Variants in IFT74 observed in about 807,000 individuals in gnomAD.
IFT74 encodes intraflagellar transport protein 74 homolog.
In IFT74, 92 loss-of-function variants were observed where a neutral mutation model predicts 96.7. That is an observed-to-expected ratio of 0.95 (90% CI 0.80 to 1.13). The LOEUF (loss-of-function observed/expected upper bound fraction) is 1.13. IFT74 is among the 50% of genes most tolerant of loss of function. The pLI, the probability that IFT74 is intolerant of heterozygous loss-of-function variation, is 0.00. For missense variants in IFT74, 811 were observed against 698.2 expected (o/e 1.16, Z -1.82); for synonymous variants, 223 against 213.2 (o/e 1.05, Z -0.40).
In IFT74 at chr9:27,060,224, A is replaced by G. The variant is rs377178657; in HGVS notation, c.1624-367A>G. Among the ~76,000 whole-genome samples, 109 of 152,332 alleles carry G rather than the reference A, an allele frequency of 7.2e-4. No individual in the cohort carries two copies. In the South Asian group the frequency reaches 7.5e-3, roughly 10 times the overall value. ...CTTTGACAGTGTTTGAATATGTATT[A>G]TATTTGTGGCATTAGACTTCCAGAT... On this transcript the variant is annotated intron_variant, in intron 18 of 19. Coordinates refer to ENST00000380062, the MANE Select transcript of IFT74 (RefSeq NM_025103.4).
intron 4 of IFT74, among the ~76,000 whole-genome samples, chr9:26,982,697 T>C (rs1181544982): frequency 2.0e-5 from 3 of 152,040 alleles, no homozygotes; most frequent in Non-Finnish European, 4.4e-5. Context: ...TCAGGTGATC[T>C]GCCCACCTTG....
chr9:27,033,222 A>G (rs1830202994), intron 13 of IFT74, among the ~76,000 whole-genome samples: 1 of 152,134 alleles, frequency 6.6e-6, no homozygotes, highest in South Asian at 2.1e-4. Context: ...GAGAAATGGT[A>G]TAGCATAGTG....
At chr9:27,026,503 C>A (rs1468807511) in intron 12 of IFT74, among the ~76,000 whole-genome samples, 1 of 152,084 alleles carries the variant, frequency 6.6e-6, no homozygotes, top group Non-Finnish European at 1.5e-5. Flanking sequence ...AACATTCTAC[C>A]CAACAACTGC....
At position 26,961,068 on chromosome 9, in the gene IFT74, G is replaced by T. The variant is rs1484146412; in HGVS notation, c.-19-881G>T. Reference sequence around the variant, plus strand: ...ATATTGTTGCATTCCCAGATCCTCAGAAGAAGTGAATCTTGTTTTTTTTTT... The same window carrying T: ...ATATTGTTGCATTCCCAGATCCTCATAAGAAGTGAATCTTGTTTTTTTTTT... On this transcript the variant is annotated intron_variant, in intron 1 of 19. Coordinates refer to ENST00000380062, the MANE Select transcript of IFT74 (RefSeq NM_025103.4). 2.7e-5 allele frequency among the ~76,000 whole-genome samples: 4 copies of T among 148,956 alleles called. No individual in the cohort carries two copies. The Admixed American group carries it at 2.7e-4, about 10-fold the overall frequency.
At position 26,963,204 on chromosome 9, in the gene IFT74, C is replaced by T. The variant is rs538473056; in HGVS notation, c.120+1117C>T. ...ATTCCCACCTATGAGTGAGAATATG[C>T]GGTGTTTGGTTTTTTGTTCTTGCGG... is the stretch of plus-strand genomic sequence containing the variant. On this transcript the variant is annotated intron_variant, in intron 2 of 19. Coordinates refer to ENST00000380062, the MANE Select transcript of IFT74 (RefSeq NM_025103.4). Among the ~76,000 whole-genome samples the T allele has an allele frequency of 2.2e-3, 341 of 151,586 alleles. 2 individuals are homozygous for T. The highest frequency in any genetic ancestry group is 7.9e-3 in the African/African-American group (327 of 41,322).
intron 12 of IFT74, among the ~76,000 whole-genome samples, chr9:27,023,321 A>G (rs1829704574): frequency 6.6e-6 from 1 of 152,158 alleles, no homozygotes; most frequent in Non-Finnish European, 1.5e-5. Flanking sequence ...TTATTACCTT[A>G]AGATATGTCT....
At chr9:27,010,683 GT>G (rs1750157956) in intron 9 of IFT74, among the ~76,000 whole-genome samples, 10 of 150,036 alleles carry the variant, frequency 6.7e-5, no homozygotes, top group African/African-American at 2.2e-4. Flanking sequence ...AGTAGAGACA[GT>G]GTTTCACCGT....
intron 16 of IFT74, among the ~76,000 whole-genome samples, chr9:27,049,782 A>G (rs1819845627): frequency 6.6e-6 from 1 of 152,306 alleles, no homozygotes; most frequent in Middle Eastern, 3.4e-3. Context: ...TTAAGAAGAG[A>G]TGATGTTTCA....
chr9:27,031,141 C>A (rs2131647094), intron 13 of IFT74, among the ~76,000 whole-genome samples: 1 of 152,080 alleles, frequency 6.6e-6, no homozygotes, highest in African/African-American at 2.4e-5. Flanking sequence ...GACTACAGGT[C>A]CATGTTACTG....
At chr9:26,990,452 G>A (rs1054141497) in intron 8 of IFT74, among the ~76,000 whole-genome samples, 1 of 152,166 alleles carries the variant, frequency 6.6e-6, no homozygotes, top group Non-Finnish European at 1.5e-5. Flanking sequence ...GAACACTTAT[G>A]ATGGATAAGA....
chr9:27,049,807 A>G (rs1248126679), intron 16 of IFT74, among the ~76,000 whole-genome samples: 1 of 152,190 alleles, frequency 6.6e-6, no homozygotes, highest in Non-Finnish European at 1.5e-5. Context: ...AATTAGTTTC[A>G]GTCATGCTTG....
chr9:27,055,738 C>T lies in IFT74; in HGVS notation c.1463C>T (p.Pro488Leu), dbSNP rs377552808. 1.3e-4 allele frequency: 197 copies of T among 1,560,856 alleles called. 2 individuals are homozygous for T. In the South Asian group the frequency reaches 2.4e-3, roughly 19 times the overall value. Residue 488 changes from proline to leucine, a missense_variant, in exon 17 of 20, where the codon CCA becomes CTA. Coordinates refer to ENST00000380062, the MANE Select transcript of IFT74 (RefSeq NM_025103.4). ...TTDLEIYNDLPALKSSGEEKI... is the reference protein window; with the variant it reads ...TTDLEIYNDLLALKSSGEEKI... Reference sequence around the variant, plus strand: ...GATCTGGAGATATATAATGATTTGCCAGCTTTAAAATCATCAGGTGAAGAA... The same window carrying T: ...GATCTGGAGATATATAATGATTTGCTAGCTTTAAAATCATCAGGTGAAGAA...
chr9:26,980,672 C>A, intron 4 of IFT74, 53 bp downstream of exon 4: 1 of 1,172,794 alleles, frequency 8.5e-7, no homozygotes, highest in Non-Finnish European at 1.3e-6. Context: ...TATTGTGTAC[C>A]TTCTGTCAAA....
intron 2 of IFT74, among the ~76,000 whole-genome samples, chr9:26,976,280 A>T (rs1346561850): frequency 6.6e-6 from 1 of 152,180 alleles, no homozygotes; most frequent in Non-Finnish European, 1.5e-5. Context: ...AATTGTTAGA[A>T]AGAAAGCTTG....
intron 8 of IFT74, among the ~76,000 whole-genome samples, chr9:26,991,905 T>C (rs553627104): frequency 7.9e-5 from 12 of 152,218 alleles, no homozygotes; most frequent in African/African-American, 2.9e-4. Flanking sequence ...GGCACGGGCT[T>C]GTAGTCCCAG....
chr9:27,027,335 A>G (rs951270910), intron 12 of IFT74, among the ~76,000 whole-genome samples: 1 of 152,144 alleles, frequency 6.6e-6, no homozygotes, highest in Non-Finnish European at 1.5e-5. Context: ...AAAATTGCCA[A>G]CAAAAAGTCC....
At chr9:27,016,284 TG>T (rs1430543872) in intron 10 of IFT74, among the ~76,000 whole-genome samples, 1 of 152,184 alleles carries the variant, frequency 6.6e-6, no homozygotes, top group East Asian at 1.9e-4. Context: ...AGTCATAACA[TG>T]GTATTCTCCC....
chr9:27,022,953 T>C (rs1449238672), intron 12 of IFT74, among the ~76,000 whole-genome samples: 3 of 152,126 alleles, frequency 2.0e-5, no homozygotes, highest in African/African-American at 7.2e-5. Flanking sequence ...CTTGATTTCT[T>C]TTCAGCTTGG....
chr9:26,952,506 A>C (rs972301795), upstream of IFT74, among the ~76,000 whole-genome samples: 21 of 152,022 alleles, frequency 1.4e-4, no homozygotes, highest in Non-Finnish European at 4.4e-5. Context: ...CGAACTCTTG[A>C]CCTCAGGTGA....
Sources: gnomAD v4.1 joint callset for allele counts (sites outside exome capture counted in the v4.1 genomes callset) on GRCh38, gnomAD v4.1.1 for gene constraint, MANE v1.5 for transcripts, NCBI Gene and HGNC (gene_info 2026-07-23, HGNC 2026-07-21) for gene names.